Variants in EFTUD2 observed in about 807,000 individuals in gnomAD.
The protein encoded by EFTUD2 is 116 kDa U5 small nuclear ribonucleoprotein component.
In EFTUD2, 9 loss-of-function variants were observed where a neutral mutation model predicts 114.3. That is an observed-to-expected ratio of 0.08 (90% CI 0.05 to 0.14). The LOEUF (loss-of-function observed/expected upper bound fraction) is 0.14, where lower values mean the gene tolerates loss of function less well. EFTUD2 is among the 10% of genes least tolerant of loss of function. The pLI is 1.00. For synonymous variants in EFTUD2, 449 were observed against 462.3 expected (o/e 0.97, Z 0.37); for missense variants, 765 against 1,241.2 (o/e 0.62, Z 5.76).
chr17:44,875,667 T>C lies in EFTUD2; in HGVS notation c.869+267A>G, dbSNP rs536521680. 129 of 269,758 alleles carry C rather than the reference T, an allele frequency of 4.8e-4. 1 individual carries two copies. The highest frequency in any genetic ancestry group is 5.8e-4 in the African/African-American group (27 of 46,178). The allele number at this position is 269,758 out of a possible 1,614,324, so 16.7% of individuals were successfully genotyped here. A position where few individuals can be genotyped will look rare whatever the true frequency, so the allele number is the denominator to read the frequency against. On this transcript the variant is annotated intron_variant, in intron 10 of 27. Transcript: ENST00000426333. ...TCGAGGCTGCAGTGAGCTGTGATTG[T>C]GACACTGCACTCTAGCTTGGGTAAC...
At chr17:44,894,265 G>A (rs144761539) in intron 2 of EFTUD2, 152 bp downstream of exon 2, 3 of 624,596 alleles carry the variant, frequency 4.8e-6, no homozygotes, top group Admixed American at 2.7e-5. Flanking sequence ...AGCTACTTGG[G>A]AGGCCAAGGT....
At chr17:44,879,709 G>C in intron 8 of EFTUD2, 71 bp from the exon 9 acceptor site, 1 of 1,486,840 alleles carries the variant, frequency 6.7e-7, no homozygotes, top group Non-Finnish European at 9.3e-7. Context: ...AGGGTGAACT[G>C]AGGGGGCACT....
chr17:44,855,116 ACAGGGGC>A, intron 20 of EFTUD2, 112 bp from the exon 21 acceptor site: 1 of 939,128 alleles, frequency 1.1e-6, no homozygotes, highest in Non-Finnish European at 1.7e-6. Flanking sequence ...AGTGAAAGCC[ACAGGGGC>A]CAAGCGTGGT....
chr17:44,882,847 A>T (rs570984608), intron 6 of EFTUD2, among the ~76,000 whole-genome samples: 1 of 152,224 alleles, frequency 6.6e-6, no homozygotes, highest in African/African-American at 2.4e-5. Context: ...AGGATATATC[A>T]TAACAGAGGA....
chr17:44,898,303 C>T (rs1203140344), intron 1 of EFTUD2, among the ~76,000 whole-genome samples: 3 of 152,096 alleles, frequency 2.0e-5, no homozygotes, highest in African/African-American at 4.8e-5. Flanking sequence ...CTGCAACCTC[C>T]GCCTCCTGGT....
intron 13 of EFTUD2, among the ~76,000 whole-genome samples, chr17:44,867,448 C>T (rs375038934): frequency 3.5e-4 from 53 of 151,870 alleles, no homozygotes; most frequent in East Asian, 3.1e-3. Context: ...TACAGGCGCC[C>T]GCCACCATGC....
chr17:44,862,954 G>A (rs1399373180), intron 15 of EFTUD2, 48 bp from the exon 16 acceptor site: 3 of 1,511,206 alleles, frequency 2.0e-6, no homozygotes, highest in East Asian at 4.6e-5. Context: ...ATGCTCCGGG[G>A]AAGTACTACT....
Position 44,854,424 on chromosome 17 carries a change from A to T in EFTUD2, c.2260-68T>A. ...CGGCTGAAGCATTTAGAGGGAGAAG[A>T]CAGATGTGCCTGTAAGGGGATACTG... On this transcript the variant is annotated intron_variant, in intron 22 of 27. Transcript: ENST00000426333. This position sits in a 1 kb window ranked among gnomAD's most constrained non-coding sequence, Gnocchi z 4.3. The T allele has an allele frequency of 6.3e-7, 1 of 1,586,206 alleles. No individual in the cohort carries two copies.
chr17:44,886,747 C>T lies in EFTUD2; in HGVS notation c.109G>A (p.Asp37Asn), dbSNP rs919343231. The T allele has an allele frequency of 1.1e-5, 18 of 1,613,016 alleles. No homozygotes were observed. Among genetic ancestry groups the T allele is most frequent in the Non-Finnish European group, 1.5e-5 (18 of 1,179,710 alleles). The change falls in exon 3 of 28, where the codon GAT (aspartate) becomes AAT (asparagine). Residue 37 changes from aspartate (D) to asparagine (N), a missense_variant. Coordinates refer to ENST00000426333, the MANE Select transcript of EFTUD2 (RefSeq NM_004247.4). ...ACGTCATCGTCGTCGTCATCATCAT[C>T]CATCTGAAAGCAAGAGGGAGAGGGA... ...GRETKDLDEM[D>N]DDDDDDDVGD...
chr17:44,856,837 A>T (rs2050565223), intron 20 of EFTUD2, among the ~76,000 whole-genome samples: 1 of 152,190 alleles, frequency 6.6e-6, no homozygotes, highest in Non-Finnish European at 1.5e-5. Context: ...ATAGAGACAA[A>T]GTGGCAGTTA....
chr17:44,871,483 T>C (rs1198971404), intron 11 of EFTUD2, among the ~76,000 whole-genome samples: 1 of 152,000 alleles, frequency 6.6e-6, no homozygotes, highest in African/African-American at 2.4e-5. Flanking sequence ...GGACTACACG[T>C]GCCCGCCACC....
chr17:44,863,052 C>T, intron 15 of EFTUD2, 146 bp from the exon 16 acceptor site: 1 of 605,544 alleles, frequency 1.7e-6, no homozygotes, highest in South Asian at 2.8e-5. Flanking sequence ...CCATGTTCTA[C>T]CCCATCCCTC....
chr17:44,872,665 T>C, intron 10 of EFTUD2, 95 bp from the exon 11 acceptor site: 1 of 1,443,102 alleles, frequency 6.9e-7, no homozygotes, highest in South Asian at 1.4e-5. Flanking sequence ...ACAGCCACTC[T>C]CCAGCCCTCG....
intron 18 of EFTUD2, 137 bp downstream of exon 18, chr17:44,859,768 T>G: frequency 1.4e-6 from 2 of 1,393,792 alleles, no homozygotes; most frequent in South Asian, 1.3e-5. Flanking sequence ...ATGACAGCCA[T>G]AGGCTGGGCT....
intron 2 of EFTUD2, among the ~76,000 whole-genome samples, chr17:44,892,717 A>G (rs2051304113): frequency 7.2e-6 from 1 of 139,120 alleles, no homozygotes; most frequent in Non-Finnish European, 1.5e-5. Context: ...AGCTCACTGC[A>G]ACGTCTACCT....
At chr17:44,860,626 A>AG in intron 16 of EFTUD2, 83 bp from the exon 17 acceptor site, 1 of 816,192 alleles carries the variant, frequency 1.2e-6, no homozygotes, top group East Asian at 2.7e-5. Context: ...TTGAGACAGG[A>AG]TCTCACTTTG....
chr17:44,856,978 A>G, intron 20 of EFTUD2, 97 bp downstream of exon 20: 4 of 1,008,038 alleles, frequency 4.0e-6, no homozygotes, highest in Non-Finnish European at 6.2e-6. Context: ...AGAGGTCTCT[A>G]TGTGCATAGT....
chr17:44,862,019 T>A (rs548476920), intron 16 of EFTUD2, among the ~76,000 whole-genome samples: 43 of 152,260 alleles, frequency 2.8e-4, no homozygotes, highest in Admixed American at 7.2e-4. Context: ...GGGAACAATT[T>A]CTTTTGGGAA....
intron 5 of EFTUD2, among the ~76,000 whole-genome samples, chr17:44,883,360 C>G (rs1196056636): frequency 6.6e-6 from 1 of 152,130 alleles, no homozygotes; most frequent in African/African-American, 2.4e-5. Flanking sequence ...AGACAGGCAT[C>G]CCTCAGGAAA....
Sources: gnomAD v4.1 joint callset for allele counts (sites outside exome capture counted in the v4.1 genomes callset) on GRCh38, gnomAD v4.1.1 for gene constraint, Gnocchi (gnomAD v3.1) non-coding constraint, MANE v1.5 for transcripts, NCBI Gene and HGNC (gene_info 2026-07-23, HGNC 2026-07-21) for gene names.